The following CELF2 variants were observed in gnomAD, a reference collection of about 807,000 sequenced individuals.
CELF2 encodes CUG triplet repeat RNA-binding protein 2.
A neutral mutation model predicts 62.6 loss-of-function variants in CELF2; 8 were observed. The observed-to-expected ratio is 0.13, with a 90% CI of 0.07 to 0.23. The LOEUF (loss-of-function observed/expected upper bound fraction) is 0.23, where lower values mean the gene tolerates loss of function less well. Among genes scored for constraint, CELF2 ranks in the 10% least tolerant of loss-of-function variants. The probability of loss-of-function intolerance (pLI) is 1.00; values close to 1 mark genes in which losing one functional copy is unlikely to be tolerated. For missense variants in CELF2, 333 were observed against 671.0 expected, an observed-to-expected ratio of 0.50 and a Z score of 5.56; for synonymous variants, 258 against 250.0, an observed-to-expected ratio of 1.03 and a Z score of -0.30.
chr10:10,562,850 G>A, the CELF2 span, among the ~76,000 whole-genome samples: 1 of 128,760 alleles, frequency 7.8e-6, no homozygotes, highest in African/African-American at 3.8e-5. Context: ...TCCAGCCAAG[G>A]ACTATCTTTC....
intron 1 of CELF2, among the ~76,000 whole-genome samples, chr10:11,161,891 G>A (rs954567541): frequency 1.9e-4 from 29 of 152,170 alleles, no homozygotes; most frequent in African/African-American, 7.0e-4. Context: ...TACCTCCAAA[G>A]GTTTAACTGT....
the CELF2 span, among the ~76,000 whole-genome samples, chr10:10,632,514 G>A: frequency 6.6e-6 from 1 of 152,090 alleles, no homozygotes; most frequent in African/African-American, 2.4e-5. Flanking sequence ...AAAGGTGAAG[G>A]CAGAGGAATG....
At chr10:10,741,492 C>CAA in the CELF2 span, among the ~76,000 whole-genome samples, 861 of 56,748 alleles carry the variant, frequency 0.015, 44 homozygotes, top group Admixed American at 0.077. Flanking sequence ...GACTCCGTCT[C>CAA]AAAAAAAAAA....
At chr10:10,955,848 GT>G (rs2048828905) in intron 2 of CELF2, among the ~76,000 whole-genome samples, 1 of 152,174 alleles carries the variant, frequency 6.6e-6, no homozygotes, top group Admixed American at 6.5e-5. Context: ...CATCACAGGG[GT>G]CCCTTCAAGT....
At chr10:10,821,701 C>T (rs763228137) in intron 1 of CELF2, among the ~76,000 whole-genome samples, 18 of 152,100 alleles carry the variant, frequency 1.2e-4, no homozygotes, top group Non-Finnish European at 1.6e-4. Context: ...GCTGGAGTGG[C>T]GCGATCATAG....
chr10:10,621,169 A>C, the CELF2 span, among the ~76,000 whole-genome samples: 1 of 142,398 alleles, frequency 7.0e-6, no homozygotes, highest in African/African-American at 2.6e-5. Flanking sequence ...GCGTGAACCC[A>C]GGAGGTGGAG....
chr10:10,770,124 C>T, the CELF2 span, among the ~76,000 whole-genome samples: 3 of 152,100 alleles, frequency 2.0e-5, no homozygotes, highest in Non-Finnish European at 4.4e-5. Context: ...CTGATGAGAG[C>T]TTCTAGATGG....
the CELF2 span, among the ~76,000 whole-genome samples, chr10:10,508,770 C>T: frequency 2.0e-5 from 3 of 151,196 alleles, no homozygotes; most frequent in South Asian, 2.1e-4. Flanking sequence ...GGCGTGATCT[C>T]GGCTCACTGC....
chr10:10,491,910 A>G, the CELF2 span, among the ~76,000 whole-genome samples: 1 of 152,160 alleles, frequency 6.6e-6, no homozygotes, highest in South Asian at 2.1e-4. Context: ...TTTCTTATAC[A>G]TGAGATCCTT....
chr10:10,537,996 T>A, the CELF2 span, among the ~76,000 whole-genome samples: 1 of 152,068 alleles, frequency 6.6e-6, no homozygotes, highest in African/African-American at 2.4e-5. Context: ...CAAGGGCTCT[T>A]CATGGAATGA....
Position 11,311,611 on chromosome 10 carries a change from A to G in CELF2, c.977-2528A>G, listed in dbSNP as rs2094565088. ...TATTAAAAGAATTTGAAAAGCGAAA[A>G]AGCCACTGATTATGAAAAATGACCA... On this transcript the variant is annotated intron_variant, in intron 9 of 12. Coordinates refer to ENST00000633077, the MANE Select transcript of CELF2 (RefSeq NM_001326342.2). The surrounding 1 kb of genome is among the most constrained non-coding windows in gnomAD (Gnocchi z 4.7). 6.6e-6 allele frequency among the ~76,000 whole-genome samples: 1 copy of G among 152,206 alleles called. No individual in the cohort carries two copies. The highest frequency in any genetic ancestry group is 2.4e-5 in the African/African-American group (1 of 41,448).
At chr10:10,830,129 T>A (rs182781425) in intron 1 of CELF2, among the ~76,000 whole-genome samples, 1 of 152,256 alleles carries the variant, frequency 6.6e-6, no homozygotes, top group African/African-American at 2.4e-5. Flanking sequence ...TGTTGAAAAG[T>A]TGTATAAGAC....
At chr10:10,960,601 TTATTG>T (rs2135961340) in intron 2 of CELF2, among the ~76,000 whole-genome samples, 1 of 152,356 alleles carries the variant, frequency 6.6e-6, no homozygotes, top group African/African-American at 2.4e-5. Flanking sequence ...TAAGTGTATT[TTATTG>T]TATTGCGTAT....
the CELF2 span, among the ~76,000 whole-genome samples, chr10:10,629,633 A>G: frequency 1.6e-4 from 24 of 152,228 alleles, no homozygotes; most frequent in African/African-American, 5.1e-4. Flanking sequence ...ACATAAACTG[A>G]GATACTTCAG....
In CELF2 at chr10:11,224,530, G is replaced by A. The variant is rs911982241; in HGVS notation, c.354+7023G>A. Among the ~76,000 whole-genome samples the A allele has an allele frequency of 2.6e-5, 4 of 152,122 alleles. No homozygotes were observed. Among genetic ancestry groups the A allele is most frequent in the African/African-American group, 9.7e-5 (4 of 41,422 alleles). ...TCAAAAGAAGATTGTGGGGGAGGCG[G>A]GGGATCCATGAATTTGATTAAAGGT... is the stretch of plus-strand genomic sequence containing the variant. On this transcript the variant is annotated intron_variant, in intron 3 of 12. Coordinates refer to ENST00000633077, the MANE Select transcript of CELF2 (RefSeq NM_001326342.2). The surrounding 1 kb of genome is among the most constrained non-coding windows in gnomAD (Gnocchi z 4.5).
At chr10:11,182,877 G>C (rs2073856089) in intron 2 of CELF2, among the ~76,000 whole-genome samples, 1 of 152,100 alleles carries the variant, frequency 6.6e-6, no homozygotes. Flanking sequence ...CTGTGAACTT[G>C]AGTTTTTTAA....
intron 1 of CELF2, among the ~76,000 whole-genome samples, chr10:10,875,709 T>C (rs1247279781): frequency 1.3e-5 from 2 of 152,190 alleles, no homozygotes; most frequent in African/African-American, 4.8e-5. Context: ...TCTGCATTTT[T>C]TTTTCTCTAA....
At chr10:11,021,302 C>A (rs990602422) in intron 1 of CELF2, among the ~76,000 whole-genome samples, 2 of 151,988 alleles carry the variant, frequency 1.3e-5, no homozygotes, top group African/African-American at 4.8e-5. Flanking sequence ...TGGTAGGTAA[C>A]CTTATTGAAA....
Position 11,242,786 on chromosome 10 carries a change from G to T in CELF2, c.355-6367G>T, listed in dbSNP as rs1392082069. Among the ~76,000 whole-genome samples, 2 of 152,116 alleles carry T rather than the reference G, an allele frequency of 1.3e-5. No individual in the cohort carries two copies. Among genetic ancestry groups the T allele is most frequent in the Non-Finnish European group, 2.9e-5 (2 of 68,010 alleles). On this transcript the variant is annotated intron_variant, in intron 3 of 12. Coordinates refer to ENST00000633077, the MANE Select transcript of CELF2 (RefSeq NM_001326342.2). The surrounding 1 kb of genome is among the most constrained non-coding windows in gnomAD (Gnocchi z 4.8). ...GTGGACCACTCAGCTCTGGGACCCTGTGTGTGTGTAGGGAGGGAGAAGAGG... is the reference window on the plus strand; with the variant it reads ...GTGGACCACTCAGCTCTGGGACCCTTTGTGTGTGTAGGGAGGGAGAAGAGG...
Sources: gnomAD v4.1 joint callset for allele counts (sites outside exome capture counted in the v4.1 genomes callset) on GRCh38, gnomAD v4.1.1 for gene constraint, Gnocchi (gnomAD v3.1) non-coding constraint, MANE v1.5 for transcripts, NCBI Gene and HGNC (gene_info 2026-07-23, HGNC 2026-07-21) for gene names.